TRPM3: variants seen among roughly 807,000 people sequenced by gnomAD.
TRPM3 encodes long transient receptor potential channel 3.
A neutral mutation model predicts 181.2 loss-of-function variants in TRPM3; 77 were observed. The observed-to-expected ratio is 0.42, with a 90% CI of 0.35 to 0.51. The LOEUF is 0.51. Among genes scored for constraint, TRPM3 ranks in the 20% least tolerant of loss-of-function variants. The pLI, the probability that TRPM3 is intolerant of heterozygous loss-of-function variation, is 0.01. For synonymous variants in TRPM3, 745 were observed against 796.4 expected (o/e 0.94, Z 1.09); for missense variants, 1,759 against 2,196.7 (o/e 0.80, Z 3.98).
At chr9:71,432,510 G>A (rs1216150423) in intron 1 of TRPM3, among the ~76,000 whole-genome samples, 2 of 92,490 alleles carry the variant, frequency 2.2e-5, no homozygotes, top group African/African-American at 5.0e-5. Flanking sequence ...AGCTCTTTTT[G>A]TAGCTGTAAA....
chr9:70,836,966 C>T (rs886869805), intron 5 of TRPM3, among the ~76,000 whole-genome samples: 1 of 152,186 alleles, frequency 6.6e-6, no homozygotes. Flanking sequence ...AACCGCATTT[C>T]CCACGTAAGT....
At chr9:71,213,384 A>T in intron 1 of TRPM3, among the ~76,000 whole-genome samples, 1 of 152,196 alleles carries the variant, frequency 6.6e-6, no homozygotes, top group Admixed American at 6.5e-5. Context: ...GGCCTTAGTT[A>T]GCCAAAGCTT....
At chr9:71,080,126 C>T (rs2064038350) in intron 1 of TRPM3, among the ~76,000 whole-genome samples, 1 of 151,438 alleles carries the variant, frequency 6.6e-6, no homozygotes. Flanking sequence ...GCCAAGATCG[C>T]ACCAATGCAC....
At chr9:71,384,225 A>G (rs2092874598) in intron 1 of TRPM3, among the ~76,000 whole-genome samples, 1 of 152,184 alleles carries the variant, frequency 6.6e-6, no homozygotes, top group Non-Finnish European at 1.5e-5. Context: ...AATAAATTGA[A>G]AAAACCTGAA....
rs549671722 is a variant in TRPM3, at chr9:71,187,965, T to A, written c.183+258688A>T. Among the ~76,000 whole-genome samples, 5 of 151,866 alleles carry A rather than the reference T, an allele frequency of 3.3e-5. No individual in the cohort carries two copies. In the South Asian group the frequency reaches 6.2e-4, roughly 19 times the overall value. ...TAGATAGATAGATCATCGCATTTTT[T>A]AAAAAAGTTAACCAGTATTCAATTC... is the stretch of plus-strand genomic sequence containing the variant. On this transcript the variant is annotated intron_variant, in intron 1 of 24. Coordinates refer to the TRPM3 transcript ENST00000357533.
At chr9:70,609,313 G>C (rs1473409050) in intron 19 of TRPM3, among the ~76,000 whole-genome samples, 2 of 152,146 alleles carry the variant, frequency 1.3e-5, no homozygotes, top group African/African-American at 4.8e-5. Context: ...TAAAATATAT[G>C]AATAGAAACG....
At chr9:71,355,989 A>T (rs1391700429) in intron 1 of TRPM3, among the ~76,000 whole-genome samples, 1 of 152,224 alleles carries the variant, frequency 6.6e-6, no homozygotes, top group East Asian at 1.9e-4. Context: ...CAGGAAAAAC[A>T]ATCTGCAAGC....
chr9:71,070,726 G>A (rs1417807303), intron 1 of TRPM3, among the ~76,000 whole-genome samples: 1 of 152,136 alleles, frequency 6.6e-6, no homozygotes, highest in East Asian at 1.9e-4. Flanking sequence ...TTAGTGTGGT[G>A]ATTATGTTTG....
intron 1 of TRPM3, among the ~76,000 whole-genome samples, chr9:70,978,023 G>A (rs1439336957): frequency 6.6e-6 from 1 of 152,086 alleles, no homozygotes; most frequent in Non-Finnish European, 1.5e-5. Context: ...TTGAGGAGTG[G>A]GGCTGAAAGT....
chr9:70,639,312 C>T, intron 10 of TRPM3, 118 bp from the exon 11 acceptor site: 1 of 1,082,982 alleles, frequency 9.2e-7, no homozygotes, highest in Non-Finnish European at 1.3e-6. Context: ...ACCTTCAGCA[C>T]ATCTAAGAAC....
intron 1 of TRPM3, among the ~76,000 whole-genome samples, chr9:71,027,294 G>C (rs1261755732): frequency 6.6e-6 from 1 of 152,132 alleles, no homozygotes; most frequent in Non-Finnish European, 1.5e-5. Context: ...TCATGGACTA[G>C]GGTAAAAGAA....
chr9:71,404,983 G>A (rs188957300), intron 1 of TRPM3, among the ~76,000 whole-genome samples: 31 of 152,160 alleles, frequency 2.0e-4, no homozygotes, highest in African/African-American at 6.0e-4. Flanking sequence ...TGACCCCTTC[G>A]GCTCCTGCAG....
chr9:71,187,227 G>A (rs762950463), intron 1 of TRPM3, among the ~76,000 whole-genome samples: 1 of 151,840 alleles, frequency 6.6e-6, no homozygotes, highest in African/African-American at 2.4e-5. Flanking sequence ...TTTCTAATTG[G>A]TTAATCTACA....
At chr9:71,415,550 GA>G (rs2093623983) in intron 1 of TRPM3, among the ~76,000 whole-genome samples, 1 of 151,868 alleles carries the variant, frequency 6.6e-6, no homozygotes, top group Non-Finnish European at 1.5e-5. Flanking sequence ...TACTTTTAAG[GA>G]AATAAATCAC....
upstream of TRPM3, chr9:71,121,758 G>A (rs2073679884): frequency 5.7e-6 from 2 of 352,804 alleles, no homozygotes; most frequent in Admixed American, 1.3e-4. Context: ...AGCCAGAACG[G>A]GAAACTTGCA....
chr9:71,335,934 T>C (rs2090524036), intron 1 of TRPM3, among the ~76,000 whole-genome samples: 1 of 152,098 alleles, frequency 6.6e-6, no homozygotes, highest in African/African-American at 2.4e-5. Flanking sequence ...AAAATCATCA[T>C]GGAGTCCGTG....
At chr9:70,920,096 T>G (rs2096639913) in intron 1 of TRPM3, among the ~76,000 whole-genome samples, 1 of 152,330 alleles carries the variant, frequency 6.6e-6, no homozygotes, top group Non-Finnish European at 1.5e-5. Flanking sequence ...AGACATTTAC[T>G]GTAGATAATG....
At chr9:71,390,575 G>C (rs1396717622) in intron 1 of TRPM3, among the ~76,000 whole-genome samples, 1 of 151,964 alleles carries the variant, frequency 6.6e-6, no homozygotes, top group Non-Finnish European at 1.5e-5. Context: ...TGGAAAATGA[G>C]TTTGAGACCA....
intron 1 of TRPM3, among the ~76,000 whole-genome samples, chr9:71,230,847 A>G (rs1193529295): frequency 2.6e-5 from 4 of 152,234 alleles, no homozygotes; most frequent in African/African-American, 9.6e-5. Flanking sequence ...TGTTCTGTAG[A>G]GTCCAAGCTC....
Sources: gnomAD v4.1 joint callset for allele counts (sites outside exome capture counted in the v4.1 genomes callset) on GRCh38, gnomAD v4.1.1 for gene constraint, MANE v1.5 for transcripts, NCBI Gene and HGNC (gene_info 2026-07-23, HGNC 2026-07-21) for gene names.